LCP2: variants seen among roughly 807,000 people sequenced by gnomAD.
LCP2 encodes the protein 76 kDa tyrosine phosphoprotein.
A neutral mutation model predicts 74.5 loss-of-function variants in LCP2; 29 were observed. The ratio of observed to expected loss-of-function variants is 0.39; its 90% confidence interval spans 0.29 to 0.53. LCP2 has a LOEUF of 0.53. Among genes scored for constraint, LCP2 ranks in the 20% least tolerant of loss-of-function variants. The probability of loss-of-function intolerance (pLI) is 0.72; values close to 1 mark genes in which losing one functional copy is unlikely to be tolerated. For synonymous variants in LCP2, 228 were observed against 229.5 expected (o/e 0.99, Z 0.06); for missense variants, 604 against 634.6 (o/e 0.95, Z 0.52).
intron 3 of LCP2, among the ~76,000 whole-genome samples, chr5:170,280,725 T>TTTTTTTTACAAATAAAAAA (rs1762085488): frequency 6.6e-6 from 1 of 152,194 alleles, no homozygotes; most frequent in African/African-American, 2.4e-5. Context: ...AAGGCAGGGC[T>TTTTTTTTACAAATAAAAAA]GGCCAGGTGT....
chr5:170,248,938 G>T (rs927896650), intron 20 of LCP2, 119 bp from the exon 21 acceptor site: 1 of 992,250 alleles, frequency 1.0e-6, no homozygotes, highest in Non-Finnish European at 1.5e-6. Context: ...ATTGTGGGGG[G>T]AAAAAATGTA....
At chr5:170,270,519 C>T (rs1761877342) in intron 7 of LCP2, 200 bp downstream of exon 7, 1 of 544,634 alleles carries the variant, frequency 1.8e-6, no homozygotes, top group African/African-American at 1.9e-5. Flanking sequence ...ATTTATTATC[C>T]TATTTCACAG....
At chr5:170,262,245 T>G (rs758665171) in intron 13 of LCP2, among the ~76,000 whole-genome samples, 3 of 152,142 alleles carry the variant, frequency 2.0e-5, no homozygotes, top group Non-Finnish European at 4.4e-5. Context: ...TGCGGTGACC[T>G]GAAAAACCTC....
intron 8 of LCP2, chr5:170,267,368 G>C (rs982370023): frequency 4.1e-6 from 2 of 485,998 alleles, no homozygotes; most frequent in African/African-American, 3.9e-5. Flanking sequence ...GCGAGGCCCT[G>C]CCTGAGCTGG....
intron 2 of LCP2, among the ~76,000 whole-genome samples, chr5:170,291,246 G>A (rs1205690693): frequency 6.7e-6 from 1 of 149,908 alleles, no homozygotes; most frequent in Non-Finnish European, 1.5e-5. Flanking sequence ...AGGAAGGAAG[G>A]AAAAATAACT....
intron 3 of LCP2, 172 bp downstream of exon 3, chr5:170,287,798 C>T (rs1762208269): frequency 1.5e-6 from 1 of 656,756 alleles, no homozygotes; most frequent in Non-Finnish European, 2.7e-6. Flanking sequence ...CTTCTGTTTT[C>T]CAGCTCTTCA....
intron 17 of LCP2, 94 bp from the exon 18 acceptor site, chr5:170,253,307 A>C: frequency 1.2e-6 from 1 of 805,016 alleles, no homozygotes; most frequent in Admixed American, 2.8e-5. Flanking sequence ...TCCCCCAAAA[A>C]AATACCCTTG....
chr5:170,282,948 C>A (rs376435771), intron 3 of LCP2, among the ~76,000 whole-genome samples: 2 of 152,188 alleles, frequency 1.3e-5, no homozygotes, highest in African/African-American at 2.4e-5. Context: ...CCCATTCCTT[C>A]CTTTTATAGT....
chr5:170,279,059 T>A (rs1476830679), intron 3 of LCP2, among the ~76,000 whole-genome samples: 1 of 151,956 alleles, frequency 6.6e-6, no homozygotes, highest in Admixed American at 6.6e-5. Context: ...TGACAGTGAG[T>A]GGAGGGAGGT....
intron 14 of LCP2, among the ~76,000 whole-genome samples, chr5:170,259,353 T>A (rs1392653756): frequency 6.6e-6 from 1 of 152,178 alleles, no homozygotes; most frequent in African/African-American, 2.4e-5. Flanking sequence ...TCAGTCTTCT[T>A]TTTGGCTCTC....
intron 3 of LCP2, among the ~76,000 whole-genome samples, chr5:170,282,303 A>G (rs564752495): frequency 2.6e-5 from 4 of 152,382 alleles, no homozygotes; most frequent in Non-Finnish European, 5.9e-5. Context: ...GGTAATGAAC[A>G]AGACAAATAA....
chr5:170,248,489 C>G lies in LCP2; in HGVS notation c.*208G>C. ...TTCAAGTGTGAACATGACTCATGCA[C>G]TTTACAAACATTGAAGAAGAATAAA... On this transcript the variant is annotated 3_prime_UTR_variant, in exon 21 of 21. Coordinates refer to ENST00000046794, the MANE Select transcript of LCP2 (RefSeq NM_005565.5). 2.0e-6 allele frequency: 1 copy of G among 502,168 alleles called. No homozygotes were observed. The highest frequency in any genetic ancestry group is 3.5e-6 in the Non-Finnish European group (1 of 283,000). 31.1% of individuals were successfully genotyped at this position (502,168 alleles called of 1,614,324 possible). A position where few individuals can be genotyped will look rare whatever the true frequency, so the allele number is the denominator to read the frequency against.
chr5:170,264,603 G>A (rs1761714681), intron 10 of LCP2, among the ~76,000 whole-genome samples: 1 of 152,216 alleles, frequency 6.6e-6, no homozygotes, highest in African/African-American at 2.4e-5. Flanking sequence ...TTCAAGATCA[G>A]CCTGGTGAAC....
chr5:170,269,244 G>A (rs1256930578), intron 7 of LCP2, among the ~76,000 whole-genome samples: 1 of 152,186 alleles, frequency 6.6e-6, no homozygotes, highest in Non-Finnish European at 1.5e-5. Flanking sequence ...GTGTCCCTAG[G>A]CCAGGTTGAC....
At chr5:170,267,944 A>C (rs1176387142) in intron 8 of LCP2, among the ~76,000 whole-genome samples, 1 of 152,166 alleles carries the variant, frequency 6.6e-6, no homozygotes, top group East Asian at 1.9e-4. Flanking sequence ...TATCAGATTC[A>C]CAAGGACCGG....
chr5:170,297,430 A>G (rs1212243159), intron 1 of LCP2, 104 bp downstream of exon 1: 15 of 1,008,996 alleles, frequency 1.5e-5, no homozygotes, highest in Non-Finnish European at 2.1e-5. Flanking sequence ...TTCCATTGCT[A>G]TCTTATACAC....
At chr5:170,267,206 T>C (rs1761781424) in intron 8 of LCP2, 131 bp from the exon 9 acceptor site, 1 of 880,970 alleles carries the variant, frequency 1.1e-6, no homozygotes, top group Admixed American at 2.1e-5. Flanking sequence ...TGTCCATTTC[T>C]TCACTGAACT....
chr5:170,266,641 C>T (rs771460509), intron 10 of LCP2, among the ~76,000 whole-genome samples, 167 bp downstream of exon 10: 1 of 152,222 alleles, frequency 6.6e-6, no homozygotes, highest in Non-Finnish European at 1.5e-5. Flanking sequence ...GAAGGTACCT[C>T]TTTGTGTCTC....
At chr5:170,270,656 T>C (rs766805819) in intron 7 of LCP2, 63 bp downstream of exon 7, 97 of 1,424,200 alleles carry the variant, frequency 6.8e-5, no homozygotes, top group Admixed American at 5.1e-5. Flanking sequence ...CAGCCTTCCA[T>C]GCAGCAGTGG....
Sources: allele counts gnomAD v4.1 joint callset (sites outside exome capture counted in the v4.1 genomes callset), GRCh38; gene constraint gnomAD v4.1.1; transcripts MANE v1.5; gene names NCBI Gene and HGNC (gene_info 2026-07-23, HGNC 2026-07-21).